KLHL1: variants seen among roughly 807,000 people sequenced by gnomAD.
KLHL1 encodes the protein kelch like family member 1, also known as kelch-like protein 1.
KLHL1 carries 47 observed loss-of-function variants against 77.7 expected under a neutral mutation model. The ratio of observed to expected loss-of-function variants is 0.60; its 90% CI spans 0.48 to 0.77. The LOEUF (loss-of-function observed/expected upper bound fraction) is 0.77. KLHL1 is among the 30% of genes least tolerant of loss of function. The pLI is 0.00. For missense variants in KLHL1, 925 were observed against 910.8 expected, an observed-to-expected ratio of 1.02 and a Z score of -0.20; for synonymous variants, 360 against 325.2, an observed-to-expected ratio of 1.11 and a Z score of -1.15.
At chr13:69,797,358 C>T (rs1202986301) in intron 6 of KLHL1, among the ~76,000 whole-genome samples, 2 of 152,114 alleles carry the variant, frequency 1.3e-5, no homozygotes, top group African/African-American at 4.8e-5. Flanking sequence ...TTAAGCTATG[C>T]ATGTTATTTG....
At chr13:69,972,698 C>T (rs1043841034) in intron 2 of KLHL1, among the ~76,000 whole-genome samples, 1 of 151,798 alleles carries the variant, frequency 6.6e-6, no homozygotes, top group Non-Finnish European at 1.5e-5. Context: ...CATAAGATTT[C>T]CCCATGTATG....
Position 69,841,915 on chromosome 13 carries a change from G to T in KLHL1, c.1228-2753C>A, listed in dbSNP as rs185390528. 1.9e-4 allele frequency among the ~76,000 whole-genome samples: 29 copies of T among 151,840 alleles called. No individual in the cohort carries two copies. The East Asian group carries it at 5.5e-3, about 29-fold the overall frequency. ...TTACTGCTAACTGATCTTTAAGAAA[G>T]TCAACAAGAACTTACACTTGGGAAA... On this transcript the variant is annotated intron_variant, in intron 5 of 10. Coordinates refer to ENST00000377844, the MANE Select transcript of KLHL1 (RefSeq NM_020866.3).
intron 7 of KLHL1, among the ~76,000 whole-genome samples, chr13:69,777,117 A>G (rs1217163071): frequency 2.0e-5 from 3 of 152,040 alleles, no homozygotes; most frequent in Non-Finnish European, 4.4e-5. Context: ...TGACGGTATT[A>G]TAAAGGGCAG....
At position 69,744,928 on chromosome 13, in the gene KLHL1, C is replaced by A. The variant is rs1874142112; in HGVS notation, c.1640-4372G>T. The stretch of plus-strand genomic sequence containing the variant: ...TTCTAATATTTTAAGAATAAAGCTG[C>A]AATGTACACTTTCTTGATGTACATA... On this transcript the variant is annotated intron_variant, in intron 7 of 10. Transcript: ENST00000377844. 5.3e-5 allele frequency among the ~76,000 whole-genome samples: 8 copies of A among 151,928 alleles called. No homozygotes were observed. The South Asian group carries it at 1.4e-3, about 28-fold the overall frequency.
At chr13:69,726,228 A>C (rs1873291521) in intron 8 of KLHL1, among the ~76,000 whole-genome samples, 1 of 152,174 alleles carries the variant, frequency 6.6e-6, no homozygotes, top group Non-Finnish European at 1.5e-5. Flanking sequence ...GGTTACCCAG[A>C]AAAAGTGTTT....
At chr13:69,961,541 GATCA>G in intron 2 of KLHL1, 97 bp from the exon 3 acceptor site, 1 of 1,290,764 alleles carries the variant, frequency 7.7e-7, no homozygotes, top group Non-Finnish European at 1.1e-6. Context: ...TCAATCTATT[GATCA>G]ATCAATTAAT....
chr13:69,854,184 T>G (rs1019768927), intron 5 of KLHL1, among the ~76,000 whole-genome samples: 3 of 151,978 alleles, frequency 2.0e-5, no homozygotes, highest in Admixed American at 6.6e-5. Context: ...GACTGGGAAA[T>G]TATAAAGAAA....
intron 5 of KLHL1, among the ~76,000 whole-genome samples, chr13:69,868,341 C>T (rs1174077036): frequency 6.6e-6 from 1 of 151,898 alleles, no homozygotes; most frequent in Non-Finnish European, 1.5e-5. Context: ...AAAATATAAA[C>T]ATGGTAAAAT....
intron 8 of KLHL1, among the ~76,000 whole-genome samples, chr13:69,731,270 G>T (rs1403029070): frequency 1.3e-5 from 2 of 152,106 alleles, no homozygotes; most frequent in Non-Finnish European, 2.9e-5. Context: ...AGAAGCAGAA[G>T]GTAACTACTT....
intron 1 of KLHL1, among the ~76,000 whole-genome samples, chr13:70,011,339 CAAAAT>C (rs988376786): frequency 6.6e-6 from 1 of 151,932 alleles, no homozygotes; most frequent in Non-Finnish European, 1.5e-5. Context: ...ATAAATTATA[CAAAAT>C]AAAATATGAT....
At chr13:69,841,220 A>G (rs1879251131) in intron 5 of KLHL1, among the ~76,000 whole-genome samples, 1 of 151,926 alleles carries the variant, frequency 6.6e-6, no homozygotes, top group Non-Finnish European at 1.5e-5. Context: ...AGTCAGAACA[A>G]TCAGGAAAGA....
chr13:69,736,057 A>C (rs1459933623), intron 8 of KLHL1, among the ~76,000 whole-genome samples: 1 of 152,200 alleles, frequency 6.6e-6, no homozygotes, highest in Non-Finnish European at 1.5e-5. Context: ...TAAACTAAAA[A>C]AGTTCTGCAC....
chr13:69,778,811 T>G (rs1208546886), intron 7 of KLHL1, among the ~76,000 whole-genome samples: 1 of 127,080 alleles, frequency 7.9e-6, no homozygotes, highest in Non-Finnish European at 1.7e-5. Context: ...TTTTTTTTTT[T>G]TTTTTGAGAT....
chr13:69,789,017 CTCTATCTATCTATCTATCTATCTATCTA>C (rs10542087), intron 7 of KLHL1, among the ~76,000 whole-genome samples: 36,925 of 150,456 alleles, frequency 0.25, 4,632 homozygotes, highest in South Asian at 0.34. Flanking sequence ...CTCCACAGGA[CTCTATCTATCTATCTATCTATCTATCTA>C]TCTATCTATC....
chr13:69,740,945 A>C (rs1873963023), intron 7 of KLHL1, among the ~76,000 whole-genome samples: 1 of 152,072 alleles, frequency 6.6e-6, no homozygotes, highest in Non-Finnish European at 1.5e-5. Flanking sequence ...CAAAGGTAAG[A>C]CGTCTTGGGC....
chr13:69,781,771 G>A (rs1335887859), intron 7 of KLHL1, among the ~76,000 whole-genome samples: 3 of 152,032 alleles, frequency 2.0e-5, no homozygotes, highest in Non-Finnish European at 2.9e-5. Context: ...TAGAAGCTCT[G>A]TGTTGTACTT....
chr13:69,851,975 G>A (rs959121661), intron 5 of KLHL1, among the ~76,000 whole-genome samples: 1 of 151,850 alleles, frequency 6.6e-6, no homozygotes, highest in Non-Finnish European at 1.5e-5. Flanking sequence ...GCTAAATGGG[G>A]TCTTAAATCA....
chr13:70,026,764 C>A (rs1255671919), intron 1 of KLHL1, among the ~76,000 whole-genome samples: 2 of 134,078 alleles, frequency 1.5e-5, no homozygotes, highest in African/African-American at 3.0e-5. Context: ...GAGAGAGAGA[C>A]AGAGAGAGAT....
At chr13:69,869,416 T>C (rs1880496189) in intron 5 of KLHL1, among the ~76,000 whole-genome samples, 1 of 152,180 alleles carries the variant, frequency 6.6e-6, no homozygotes, top group African/African-American at 2.4e-5. Flanking sequence ...ATTTCTAAGA[T>C]ACTATTTCTT....
Sources: gnomAD v4.1 joint callset for allele counts (sites outside exome capture counted in the v4.1 genomes callset) on GRCh38, gnomAD v4.1.1 for gene constraint, MANE v1.5 for transcripts, NCBI Gene and HGNC (gene_info 2026-07-23, HGNC 2026-07-21) for gene names.